MCU: variants seen among roughly 807,000 people sequenced by gnomAD.
MCU encodes the protein calcium uniporter protein, mitochondrial.
A neutral mutation model predicts 45.2 loss-of-function variants in MCU; 12 were observed. The ratio of observed to expected loss-of-function variants is 0.27; its 90% confidence interval spans 0.17 to 0.43. MCU has a LOEUF of 0.43. Among genes scored for constraint, MCU ranks in the 20% least tolerant of loss-of-function variants. The pLI is 1.00. For synonymous variants in MCU, 160 were observed against 165.1 expected, an observed-to-expected ratio of 0.97 and a Z score of 0.24; for missense variants, 324 against 436.7, an observed-to-expected ratio of 0.74 and a Z score of 2.30.
At chr10:72,712,921 GC>G (rs1842912811) in intron 1 of MCU, among the ~76,000 whole-genome samples, 2 of 152,278 alleles carry the variant, frequency 1.3e-5, no homozygotes, top group Middle Eastern at 3.4e-3. Flanking sequence ...TTGCTGTAGT[GC>G]ATTAACCAGA....
At chr10:72,790,519 G>A (rs565066385) in intron 1 of MCU, among the ~76,000 whole-genome samples, 239 of 152,222 alleles carry the variant, frequency 1.6e-3, no homozygotes, top group Middle Eastern at 6.8e-3. Flanking sequence ...AAAAAAGACT[G>A]CAACATAATT....
chr10:72,702,419 G>T lies in MCU; in HGVS notation c.150+10118G>T, dbSNP rs139088624. On this transcript the variant is annotated intron_variant, in intron 1 of 7. Transcript: ENST00000373053. ...TATTCCCATTGTACAGATGGAAAATGAAGACTTAGAAGGGTTTGGTAACCT... is the reference window on the plus strand; with the variant it reads ...TATTCCCATTGTACAGATGGAAAATTAAGACTTAGAAGGGTTTGGTAACCT... 2.0e-3 allele frequency among the ~76,000 whole-genome samples: 310 copies of T among 152,230 alleles called. 1 individual carries two copies. The highest frequency in any genetic ancestry group is 6.7e-3 in the African/African-American group (277 of 41,550).
chr10:72,782,642 A>G (rs775784322), intron 1 of MCU, among the ~76,000 whole-genome samples: 23 of 152,238 alleles, frequency 1.5e-4, no homozygotes, highest in Non-Finnish European at 2.1e-4. Context: ...TGTTGGGATT[A>G]CAGGCATGAG....
intron 1 of MCU, among the ~76,000 whole-genome samples, chr10:72,780,058 C>T (rs1178305530): frequency 6.6e-6 from 1 of 152,088 alleles, no homozygotes; most frequent in Non-Finnish European, 1.5e-5. Context: ...AATGGATAAA[C>T]AGAAGGTGGT....
intron 1 of MCU, among the ~76,000 whole-genome samples, chr10:72,703,681 G>A (rs1842785195): frequency 6.6e-6 from 1 of 152,162 alleles, no homozygotes; most frequent in South Asian, 2.1e-4. Flanking sequence ...GAGGCAGGCA[G>A]ATCACTTGAG....
chr10:72,693,439 A>G (rs1467651538), intron 1 of MCU, among the ~76,000 whole-genome samples: 3 of 152,170 alleles, frequency 2.0e-5, no homozygotes, highest in Admixed American at 1.3e-4. Context: ...AGAAACTACA[A>G]TAGTACCTTC....
At chr10:72,807,553 T>G (rs778482348) in intron 1 of MCU, among the ~76,000 whole-genome samples, 1 of 152,230 alleles carries the variant, frequency 6.6e-6, no homozygotes, top group Non-Finnish European at 1.5e-5. Flanking sequence ...AGCTCCCAGG[T>G]AACTCAATTC....
At chr10:72,828,098 T>C (rs1279526837) in intron 1 of MCU, among the ~76,000 whole-genome samples, 4 of 152,196 alleles carry the variant, frequency 2.6e-5, no homozygotes, top group Admixed American at 6.5e-5. Flanking sequence ...GTATAAGCAC[T>C]GAATTTTGGA....
At chr10:72,760,726 T>TC (rs1843644609) in intron 1 of MCU, 1 of 151,564 alleles carries the variant, frequency 6.6e-6, no homozygotes, top group African/African-American at 2.5e-5. Context: ...CTTTTTTTTT[T>TC]TTTTTTTGCA....
At chr10:72,879,126 T>C (rs1180121757) in intron 6 of MCU, among the ~76,000 whole-genome samples, 2 of 152,062 alleles carry the variant, frequency 1.3e-5, no homozygotes, top group Non-Finnish European at 2.9e-5. Context: ...TAGCTGGGCA[T>C]GTGGCACACA....
chr10:72,878,576 TAAAC>T (rs1845652648), intron 6 of MCU, among the ~76,000 whole-genome samples: 1 of 152,226 alleles, frequency 6.6e-6, no homozygotes, highest in South Asian at 2.1e-4. Flanking sequence ...TTCAGGGAGA[TAAAC>T]AACAAGGTTG....
intron 1 of MCU, among the ~76,000 whole-genome samples, chr10:72,806,438 G>A (rs1410218744): frequency 1.3e-5 from 2 of 152,164 alleles, no homozygotes; most frequent in Non-Finnish European, 2.9e-5. Context: ...GGAATTACAG[G>A]CGTGAGCCAC....
intron 1 of MCU, among the ~76,000 whole-genome samples, chr10:72,751,257 A>G (rs1420321186): frequency 7.4e-6 from 1 of 134,400 alleles, no homozygotes; most frequent in African/African-American, 2.8e-5. Context: ...CCTGCCTCGG[A>G]CTCCTAAAGT....
intron 6 of MCU, among the ~76,000 whole-genome samples, chr10:72,877,591 TAGA>T (rs1289477935): frequency 1.3e-5 from 2 of 152,004 alleles, no homozygotes; most frequent in African/African-American, 2.4e-5. Context: ...CAAGAAAAGT[TAGA>T]ATTGTTAGAC....
chr10:72,824,954 CTTTTTA>C (rs1844774471), intron 1 of MCU, among the ~76,000 whole-genome samples: 1 of 152,102 alleles, frequency 6.6e-6, no homozygotes, highest in South Asian at 2.1e-4. Flanking sequence ...TTCTTTCCCC[CTTTTTA>C]TTTTAGGCTT....
At chr10:72,787,570 A>G (rs998532487) in intron 1 of MCU, among the ~76,000 whole-genome samples, 3 of 151,986 alleles carry the variant, frequency 2.0e-5, no homozygotes, top group African/African-American at 7.2e-5. Flanking sequence ...TGGCCAGCCA[A>G]TTTCATTGAG....
At chr10:72,844,546 G>A (rs532632743) in intron 2 of MCU, among the ~76,000 whole-genome samples, 2 of 152,250 alleles carry the variant, frequency 1.3e-5, no homozygotes, top group South Asian at 4.1e-4. Flanking sequence ...TCCAGCCTGG[G>A]TGACAAGAAT....
chr10:72,807,985 A>G (rs988671086), intron 1 of MCU, among the ~76,000 whole-genome samples: 4 of 152,244 alleles, frequency 2.6e-5, no homozygotes, highest in Non-Finnish European at 5.9e-5. Flanking sequence ...AACATGAAAT[A>G]GGAAAATTTA....
At chr10:72,873,582 C>G (rs577689627) in intron 6 of MCU, among the ~76,000 whole-genome samples, 17 of 152,228 alleles carry the variant, frequency 1.1e-4, no homozygotes, top group African/African-American at 4.1e-4. Flanking sequence ...TGACCGTTTC[C>G]TTTGCCGTAC....
Sources: gnomAD v4.1 joint callset for allele counts (sites outside exome capture counted in the v4.1 genomes callset) on GRCh38, gnomAD v4.1.1 for gene constraint, MANE v1.5 for transcripts, NCBI Gene and HGNC (gene_info 2026-07-23, HGNC 2026-07-21) for gene names.